Variants in MGST1 observed in about 807,000 individuals in gnomAD.
MGST1 encodes the protein glutathione S-transferase 12.
A neutral mutation model predicts 8.9 loss-of-function variants in MGST1; 5 were observed. The ratio of observed to expected loss-of-function variants is 0.56; its 90% confidence interval spans 0.29 to 1.19. The LOEUF (loss-of-function observed/expected upper bound fraction) is 1.19, where lower values mean the gene tolerates loss of function less well. Among genes scored for constraint, MGST1 ranks in the 50% most tolerant of loss-of-function variants. The probability of loss-of-function intolerance (pLI) is 0.08; values close to 1 mark genes in which losing one functional copy is unlikely to be tolerated. For synonymous variants in MGST1, 54 were observed against 67.8 expected (o/e 0.80, Z 1.00); for missense variants, 182 against 187.4 (o/e 0.97, Z 0.17).
rs895946733 is a variant in MGST1, at chr12:16,589,043, TGTGAAGCTGGG to T, written n.483-481_483-471del. 1.3e-5 allele frequency among the ~76,000 whole-genome samples: 2 copies of T among 152,030 alleles called. No homozygotes were observed. The highest frequency in any genetic ancestry group is 1.3e-4 in the Admixed American group (2 of 15,238). ...AGAGGTTGAGTAAGTTGCCTAGGAATGTGAAGCTGGGGTGTAGCAGAAGGGGGTCGACGTCA... is the reference window on the plus strand; with the variant it reads ...AGAGGTTGAGTAAGTTGCCTAGGAATGTGTAGCAGAAGGGGGTCGACGTCA... On this transcript the variant is annotated intron_variant and non_coding_transcript_variant, in intron 4 of 4. Coordinates refer to the MGST1 transcript ENST00000538857. The surrounding 1 kb of genome is among the most constrained non-coding windows in gnomAD (Gnocchi z 4.2).
At position 16,492,840 on chromosome 12, in the gene MGST1, G is replaced by A. The variant is rs112055533; in HGVS notation, n.483-96688G>A. ...TTGGCCCAGGGGCTACCTTGCTAAT[G>A]TATATTTACATGAAAGACCAAGAAA... is the stretch of plus-strand genomic sequence containing the variant. On this transcript the variant is annotated intron_variant and non_coding_transcript_variant, in intron 4 of 4. Transcript: ENST00000538857. Among the ~76,000 whole-genome samples, 645 of 152,236 alleles carry A rather than the reference G, an allele frequency of 4.2e-3. 8 individuals carry two copies. Among genetic ancestry groups the A allele is most frequent in the African/African-American group, 0.015 (633 of 41,546 alleles).
intron 1 of MGST1, chr12:16,400,348 C>T: frequency 1.2e-6 from 1 of 810,324 alleles, no homozygotes; most frequent in South Asian, 1.4e-5. Flanking sequence ...CAGTTTGTCT[C>T]CTCGAACAGA....
downstream of MGST1, among the ~76,000 whole-genome samples, chr12:16,365,836 T>C (rs9332956): frequency 2.6e-4 from 40 of 152,348 alleles, no homozygotes; most frequent in African/African-American, 9.6e-4. Context: ...TTACAAGATT[T>C]TTTGAAGGTC....
chr12:16,506,191 T>C (rs1765708912), intron 4 of MGST1, among the ~76,000 whole-genome samples: 1 of 152,144 alleles, frequency 6.6e-6, no homozygotes, highest in Admixed American at 6.5e-5. Context: ...TTACTCATGG[T>C]AATAACAATA....
chr12:16,387,628 G>A (rs1031771756), intron 1 of MGST1, among the ~76,000 whole-genome samples: 20 of 151,446 alleles, frequency 1.3e-4, no homozygotes, highest in Admixed American at 9.2e-4. Context: ...CCACGTTCAC[G>A]CCATTCTCCT....
intron 4 of MGST1, among the ~76,000 whole-genome samples, chr12:16,583,046 CAA>C (rs55665813): frequency 0.078 from 9,926 of 126,560 alleles, 748 homozygotes; most frequent in African/African-American, 0.23. Flanking sequence ...GACTCCGCCT[CAA>C]AAAAAAAAAA....
chr12:16,538,751 G>A (rs965780904), intron 4 of MGST1, among the ~76,000 whole-genome samples: 1 of 151,938 alleles, frequency 6.6e-6, no homozygotes, highest in African/African-American at 2.4e-5. Flanking sequence ...TGGGACTACA[G>A]GCGCCCACCA....
At chr12:16,398,037 C>T (rs1565447028) in intron 1 of MGST1, among the ~76,000 whole-genome samples, 2 of 151,498 alleles carry the variant, frequency 1.3e-5, no homozygotes, top group African/African-American at 4.8e-5. Context: ...TGACATCTTT[C>T]ACATATATTT....
chr12:16,433,009 T>C (rs1251595105), intron 1 of MGST1, among the ~76,000 whole-genome samples: 1 of 151,996 alleles, frequency 6.6e-6, no homozygotes, highest in East Asian at 1.9e-4. Context: ...TAGATGTGTA[T>C]ATAAAGGGGA....
In MGST1 at chr12:16,584,355, G is replaced by A. The variant is rs991599299; in HGVS notation, n.483-5173G>A. ...AGAAAAGTTGCCTCCTTAAAGGAGA[G>A]GCAAGTTTCAGGTAAGGCAACAGAT... On this transcript the variant is annotated intron_variant and non_coding_transcript_variant, in intron 4 of 4. Coordinates refer to the MGST1 transcript ENST00000538857. The surrounding 1 kb of genome is among the most constrained non-coding windows in gnomAD (Gnocchi z 5.2). Among the ~76,000 whole-genome samples the A allele has an allele frequency of 2.6e-5, 4 of 152,144 alleles. No homozygotes were observed. The highest frequency in any genetic ancestry group is 4.4e-5 in the Non-Finnish European group (3 of 68,030).
At chr12:16,400,403 GC>G in intron 1 of MGST1, 1 of 818,160 alleles carries the variant, frequency 1.2e-6, no homozygotes, top group Non-Finnish European at 2.2e-6. Flanking sequence ...GAGCCTTGCA[GC>G]CTCTTTTGGG....
intron 3 of MGST1, among the ~76,000 whole-genome samples, chr12:16,358,866 T>C (rs1279080300): frequency 1.2e-4 from 18 of 146,478 alleles, no homozygotes; most frequent in Non-Finnish European, 1.8e-4. Context: ...CCAATTCATA[T>C]TGATGGACAC....
intron 4 of MGST1, among the ~76,000 whole-genome samples, chr12:16,450,988 G>A (rs1175120680): frequency 1.3e-5 from 2 of 151,768 alleles, no homozygotes; most frequent in Non-Finnish European, 2.9e-5. Flanking sequence ...TTATTTAAAT[G>A]CTGTGAAATT....
intron 4 of MGST1, among the ~76,000 whole-genome samples, chr12:16,534,569 G>GCCTA (rs1246920786): frequency 1.3e-5 from 2 of 152,130 alleles, no homozygotes; most frequent in Non-Finnish European, 2.9e-5. Flanking sequence ...GGATAAGGAT[G>GCCTA]CCTATTTAAA....
At chr12:16,464,859 A>G (rs1239972830) in intron 4 of MGST1, among the ~76,000 whole-genome samples, 1 of 152,222 alleles carries the variant, frequency 6.6e-6, no homozygotes, top group East Asian at 1.9e-4. Flanking sequence ...ACTTATACAC[A>G]TAACGCCAGG....
chr12:16,402,148 T>A (rs2137063630), intron 1 of MGST1: 1 of 1,528,554 alleles, frequency 6.5e-7, no homozygotes. Context: ...TCATTGCCCT[T>A]AGTGTTGGCA....
At chr12:16,423,384 G>T (rs1940854798) in intron 1 of MGST1, among the ~76,000 whole-genome samples, 1 of 151,908 alleles carries the variant, frequency 6.6e-6, no homozygotes, top group South Asian at 2.1e-4. Flanking sequence ...ATTTTAAAGT[G>T]AAACAAAAAA....
intron 4 of MGST1, among the ~76,000 whole-genome samples, chr12:16,469,577 C>A (rs749700580): frequency 6.6e-6 from 1 of 152,316 alleles, no homozygotes; most frequent in Non-Finnish European, 1.5e-5. Flanking sequence ...GAGAAGCAGT[C>A]AGGTCTGACT....
chr12:16,399,692 A>G, intron 1 of MGST1: 1 of 1,357,736 alleles, frequency 7.4e-7, no homozygotes, highest in African/African-American at 1.4e-5. Context: ...AAAAGCCCTC[A>G]GGGTCATCAA....
Sources: gnomAD v4.1 joint callset for allele counts (sites outside exome capture counted in the v4.1 genomes callset) on GRCh38, gnomAD v4.1.1 for gene constraint, Gnocchi (gnomAD v3.1) non-coding constraint, MANE v1.5 for transcripts, NCBI Gene and HGNC (gene_info 2026-07-23, HGNC 2026-07-21) for gene names.